The following TENT4A variants were observed in gnomAD, a reference collection of about 807,000 sequenced individuals.
TENT4A encodes terminal nucleotidyltransferase 4A, also known as DNA polymerase kappa.
In TENT4A, 7 loss-of-function variants were observed where a neutral mutation model predicts 72.8. The ratio of observed to expected loss-of-function variants is 0.10; its 90% confidence interval spans 0.05 to 0.18. The LOEUF is 0.18. TENT4A is among the 10% of genes least tolerant of loss of function. TENT4A has a pLI of 1.00. For synonymous variants in TENT4A, 456 were observed against 434.3 expected (o/e 1.05, Z -0.62); for missense variants, 831 against 1,017.7 (o/e 0.82, Z 2.50).
chr5:6,735,822 G>A (rs953992164), intron 1 of TENT4A, among the ~76,000 whole-genome samples: 8 of 150,778 alleles, frequency 5.3e-5, no homozygotes, highest in African/African-American at 2.0e-4. Flanking sequence ...GTACAGTGGT[G>A]CAATCTCGGC....
At chr5:6,744,062 C>T (rs1359522052) in intron 6 of TENT4A, among the ~76,000 whole-genome samples, 5 of 152,138 alleles carry the variant, frequency 3.3e-5, no homozygotes, top group Admixed American at 2.0e-4. Flanking sequence ...CAGGGGTGCC[C>T]GTCTGGTTCT....
At chr5:6,753,111 C>A in intron 12 of TENT4A, 74 bp downstream of exon 12, 1 of 1,380,008 alleles carries the variant, frequency 7.2e-7, no homozygotes, top group Non-Finnish European at 9.9e-7. Context: ...ATGTTTTCTC[C>A]TCCAGAGAGA....
Position 6,749,593 on chromosome 5 carries a change from G to T in TENT4A, c.1623G>T (p.Val541=). ...GAATCATCAAAGTAACTCAGGAGGT[G>T]ATTGACTACCGGAGGTGGATCAAAG... is the stretch of plus-strand genomic sequence containing the variant. ...LGRIIKVTQE[V]IDYRRWIKEK... Residue 541 remains valine, a synonymous_variant, in exon 9 of 13, where the codon GTG becomes GTT. Transcript: ENST00000230859. 3 of 1,613,936 alleles carry T rather than the reference G, an allele frequency of 1.9e-6. No homozygotes were observed. Among genetic ancestry groups the T allele is most frequent in the Non-Finnish European group, 2.5e-6 (3 of 1,179,826 alleles).
rs1345811437 is a variant in TENT4A at position 6,746,157 on chromosome 5, A to G, written c.1246-57A>G. ...TGGACAGCAGACTTCGTCGCGTGCT[A>G]TTTTCTTTAGAACATGCCATGAATC... On this transcript the variant is annotated intron_variant, in intron 6 of 12. Transcript: ENST00000230859. 1.8e-5 allele frequency: 29 copies of G among 1,612,550 alleles called. No homozygotes were observed. The East Asian group carries it at 2.0e-4, about 11-fold the overall frequency.
chr5:6,742,289 C>T (rs1741845082), intron 4 of TENT4A, among the ~76,000 whole-genome samples: 1 of 152,068 alleles, frequency 6.6e-6, no homozygotes, highest in Non-Finnish European at 1.5e-5. Context: ...AGGGGCTGGG[C>T]AGAATGTGGG....
At position 6,714,483 on chromosome 5, in the gene TENT4A, C is replaced by T; in HGVS notation, c.500C>T (p.Pro167Leu). Residue 167 changes from proline to leucine, a missense_variant, in exon 1 of 13, where the codon CCC becomes CTC. Physicochemically the swap from Pro to Leu is moderately conservative, Grantham distance 98. Coordinates refer to ENST00000230859, the MANE Select transcript of TENT4A (RefSeq NM_006999.6). ...GCCCCTGGCACAGCCAACGGGCACC[C>T]CGGGCCGCGCGGCCCCGCGCCCGCC... ...PSAPGTANGH[P>L]GPRGPAPAGS... 8.4e-7 allele frequency: 1 copy of T among 1,184,130 alleles called. No individual in the cohort carries two copies. The highest frequency in any genetic ancestry group is 1.6e-5 in the African/African-American group (1 of 62,390). The allele number at this position is 1,184,130 out of a possible 1,614,324, so 73.4% of individuals were successfully genotyped here.
intron 1 of TENT4A, among the ~76,000 whole-genome samples, chr5:6,726,883 C>CG (rs1003168620): frequency 3.3e-4 from 50 of 151,866 alleles, no homozygotes; most frequent in Non-Finnish European, 5.4e-4. Flanking sequence ...CTTAGCGTGG[C>CG]GGGGGGTTTT....
Position 6,754,575 on chromosome 5 carries a change from C to T in TENT4A, c.2185-176C>T, listed in dbSNP as rs566522112. On this transcript the variant is annotated intron_variant, in intron 12 of 12. Coordinates refer to ENST00000230859, the MANE Select transcript of TENT4A (RefSeq NM_006999.6). ...CATGGTTCTTGCCTTTAGTCATTCA[C>T]GGAATGGGAAGAATGCTTTTCTCTC... 7.2e-5 allele frequency among the ~76,000 whole-genome samples: 11 copies of T among 152,268 alleles called. No individual in the cohort carries two copies. In the East Asian group the frequency reaches 1.2e-3, roughly 16 times the overall value.
intron 1 of TENT4A, among the ~76,000 whole-genome samples, chr5:6,718,035 C>T (rs758599140): frequency 6.6e-6 from 1 of 152,226 alleles, no homozygotes; most frequent in African/African-American, 2.4e-5. Flanking sequence ...TTTGGCCTTT[C>T]GAAGGCTGTG....
At chr5:6,743,603 G>A in intron 5 of TENT4A, 109 bp from the exon 6 acceptor site, 7 of 859,822 alleles carry the variant, frequency 8.1e-6, no homozygotes, top group Non-Finnish European at 1.3e-5. Context: ...CTTCAGATGG[G>A]CAAGAGGATC....
intron 9 of TENT4A, 122 bp from the exon 10 acceptor site, chr5:6,750,209 G>A (rs1032502893): frequency 3.3e-6 from 2 of 606,266 alleles, no homozygotes; most frequent in African/African-American, 1.9e-5. Flanking sequence ...AAAACCTAAT[G>A]TTGGGTTTGT....
chr5:6,754,705 G>A (rs1467234985), intron 12 of TENT4A, 46 bp from the exon 13 acceptor site: 1 of 1,479,554 alleles, frequency 6.8e-7, no homozygotes, highest in Non-Finnish European at 9.2e-7. Flanking sequence ...CGTGGGCATT[G>A]TGCCTGCTGT....
In TENT4A at chr5:6,733,148, A is replaced by G. The variant is rs552613607; in HGVS notation, c.717-4362A>G. ...GGCCACTCACAGCCCCAAGCTGGAG[A>G]GTGCCAGCCTAATGTGTCAGGAGTA... is the stretch of plus-strand genomic sequence containing the variant. On this transcript the variant is annotated intron_variant, in intron 1 of 12. Coordinates refer to ENST00000230859, the MANE Select transcript of TENT4A (RefSeq NM_006999.6). 9.2e-5 allele frequency among the ~76,000 whole-genome samples: 14 copies of G among 152,298 alleles called. 1 individual carries two copies. The South Asian group carries it at 2.9e-3, about 32-fold the overall frequency.
chr5:6,714,207 C>T lies in TENT4A; in HGVS notation c.224C>T (p.Pro75Leu), dbSNP rs1274874673. 3.1e-6 allele frequency: 3 copies of T among 971,138 alleles called. No homozygotes were observed. Among genetic ancestry groups the T allele is most frequent in the Admixed American group, 1.3e-4 (2 of 15,632 alleles). The allele number at this position is 971,138 out of a possible 1,614,324, so 60.2% of individuals were successfully genotyped here. The change falls in exon 1 of 13, where the codon CCG (proline) becomes CTG (leucine). Residue 75 changes from proline to leucine, a missense_variant. Physicochemically the swap from Pro to Leu is moderately conservative, Grantham distance 98. This residue lies in a region of TENT4A where 302 missense variants were observed against 293.8 expected (regional missense o/e 1.03). Coordinates refer to ENST00000230859, the MANE Select transcript of TENT4A (RefSeq NM_006999.6). ...GPALPAASPP[P>L]PGPTAPAALP... ...GCGCTGCCCGCCGCGTCGCCCCCGC[C>T]GCCCGGCCCCACCGCGCCCGCCGCG...
At position 6,714,437 on chromosome 5, in the gene TENT4A, TTCGCCGACGGCGCGCCCAGCG is replaced by T. The variant is rs1740255156; in HGVS notation, c.455_475del (p.Phe152_Ala159delinsSer). The T allele has an allele frequency of 2.6e-6, 3 of 1,166,282 alleles. No individual in the cohort carries two copies. The highest frequency in any genetic ancestry group is 3.2e-6 in the Non-Finnish European group (3 of 946,826). The allele number at this position is 1,166,282 out of a possible 1,614,324, so 72.2% of individuals were successfully genotyped here. A position where few individuals can be genotyped will look rare whatever the true frequency, so the allele number is the denominator to read the frequency against. ...CGGCCGCGGCGGCGCCTTCTTCAAC[TTCGCCGACGGCGCGCCCAGCG>T]CCCCTGGCACAGCCAACGGGCACCC... On this transcript the variant is annotated inframe_deletion, in exon 1 of 13. Transcript: ENST00000230859.
At position 6,756,699 on chromosome 5, in the gene TENT4A, A is replaced by G. The variant is rs1339295202; in HGVS notation, c.*1754A>G. On this transcript the variant is annotated 3_prime_UTR_variant, in exon 13 of 13. Transcript: ENST00000230859. The stretch of plus-strand genomic sequence containing the variant: ...ATATTTAAATTGTGAACCTATTGAT[A>G]AAGAATATTTATAAAAACTGATCTG... 6.5e-6 allele frequency: 1 copy of G among 152,694 alleles called. No homozygotes were observed. The highest frequency in any genetic ancestry group is 1.5e-5 in the Non-Finnish European group (1 of 68,050). The allele number at this position is 152,694 out of a possible 1,614,324, so 9.5% of individuals were successfully genotyped here.
At chr5:6,740,674 A>G (rs1475971272) in intron 4 of TENT4A, among the ~76,000 whole-genome samples, 1 of 152,206 alleles carries the variant, frequency 6.6e-6, no homozygotes, top group Non-Finnish European at 1.5e-5. Context: ...GTGCACATGT[A>G]CCAGGTGCAC....
In TENT4A at chr5:6,756,022, G is replaced by C. The variant is rs151083904; in HGVS notation, c.*1077G>C. On this transcript the variant is annotated 3_prime_UTR_variant, in exon 13 of 13. Coordinates refer to ENST00000230859, the MANE Select transcript of TENT4A (RefSeq NM_006999.6). ...TGGAGAAAGGAATTCTGTTGATTCC[G>C]TTGAGGAATCTGTAGCGTATGCATT... 3.3e-5 allele frequency: 5 copies of C among 152,356 alleles called. No individual in the cohort carries two copies. Among genetic ancestry groups the C allele is most frequent in the Non-Finnish European group, 5.9e-5 (4 of 68,052 alleles). The allele number at this position is 152,356 out of a possible 1,614,324, so 9.4% of individuals were successfully genotyped here.
intron 8 of TENT4A, 95 bp from the exon 9 acceptor site, chr5:6,749,462 G>A: frequency 1.4e-6 from 1 of 714,234 alleles, no homozygotes; most frequent in Non-Finnish European, 2.5e-6. Context: ...CTAGCGAGAT[G>A]ATCTGTTAGG....
Sources: gnomAD v4.1 joint callset for allele counts (sites outside exome capture counted in the v4.1 genomes callset) on GRCh38, gnomAD v4.1.1 for gene constraint, gnomAD v4.1.1 regional missense constraint, MANE v1.5 for transcripts, NCBI Gene and HGNC (gene_info 2026-07-23, HGNC 2026-07-21) for gene names.